ADGRF3: variants seen among roughly 807,000 people sequenced by gnomAD.
ADGRF3 encodes adhesion G protein-coupled receptor F3.
ADGRF3 carries 85 observed loss-of-function variants against 93.2 expected under a neutral mutation model. The observed-to-expected ratio is 0.91, with a 90% CI of 0.77 to 1.09. The LOEUF (loss-of-function observed/expected upper bound fraction) is 1.09. Ranked by LOEUF, ADGRF3 falls within the 50% of genes least tolerant of loss-of-function variation. The pLI is 0.00. For synonymous variants in ADGRF3, 534 were observed against 532.5 expected (o/e 1.00, Z -0.04); for missense variants, 1,125 against 1,246.2 (o/e 0.90, Z 1.46).
At chr2:26,319,894 T>C (rs1415225036) in intron 1 of ADGRF3, among the ~76,000 whole-genome samples, 1 of 152,110 alleles carries the variant, frequency 6.6e-6, no homozygotes, top group African/African-American at 2.4e-5. Context: ...TGCACTGGCC[T>C]AGAGTCTTAA....
chr2:26,318,705 T>C (rs575757119), intron 1 of ADGRF3, among the ~76,000 whole-genome samples: 2 of 152,320 alleles, frequency 1.3e-5, no homozygotes, highest in African/African-American at 2.4e-5. Flanking sequence ...AATGAGACTT[T>C]ATCCAAAGTA....
chr2:26,342,628 T>C (rs570490893), intron 1 of ADGRF3, among the ~76,000 whole-genome samples: 1 of 152,364 alleles, frequency 6.6e-6, no homozygotes, highest in Non-Finnish European at 1.5e-5. Context: ...GCAAAATGCC[T>C]GATCTTGAGT....
Position 26,346,130 on chromosome 2 carries a change from C to G in ADGRF3, c.105G>C (p.Leu35=), listed in dbSNP as rs534427405. The G allele has an allele frequency of 6.3e-7, 1 of 1,593,314 alleles. No homozygotes were observed. Among genetic ancestry groups the G allele is most frequent in the Admixed American group, 1.8e-5 (1 of 56,560 alleles). Reference sequence around the variant, plus strand: ...AGCGCGGCTCTCCTACCTTCTCGGGCAGCCCAGTCTTTGCCATCCTTGCCC... The same window carrying G: ...AGCGCGGCTCTCCTACCTTCTCGGGGAGCCCAGTCTTTGCCATCCTTGCCC... The part of the protein sequence containing the change: ...TGWARMAKTG[L]PEKGQSQAGG... The change falls in exon 1 of 14, where the codon CTG becomes CTC. Residue 35 remains leucine (L), a synonymous_variant. Coordinates refer to ENST00000651242, the MANE Select transcript of ADGRF3 (RefSeq NM_001321971.2).
chr2:26,342,689 G>A (rs868507457), intron 1 of ADGRF3, among the ~76,000 whole-genome samples: 1 of 152,216 alleles, frequency 6.6e-6, no homozygotes, highest in African/African-American at 2.4e-5. Context: ...GCAGACATGG[G>A]AAACAAAGCA....
In ADGRF3 at chr2:26,311,359, C is replaced by G; in HGVS notation, c.2165G>C (p.Gly722Ala). 1.9e-6 allele frequency: 3 copies of G among 1,614,064 alleles called. No homozygotes were observed. The highest frequency in any genetic ancestry group is 2.5e-6 in the Non-Finnish European group (3 of 1,179,908). Residue 722 changes from glycine (G) to alanine (A), a missense_variant, in exon 10 of 14, where the codon GGT becomes GCT. Physicochemically the swap from Gly to Ala is moderately conservative, Grantham distance 60. Coordinates refer to ENST00000651242, the MANE Select transcript of ADGRF3 (RefSeq NM_001321971.2). ...ASILALLVCL[G>A]VYWLVWRVVV... is the part of the protein sequence containing the mutation. ...GACTCTCCACACCAGCCAGTACACA[C>G]CCAGGCACACAAGCAGCGCCAGTAT...
intron 4 of ADGRF3, 68 bp downstream of exon 4, chr2:26,316,207 G>A: frequency 6.8e-7 from 1 of 1,471,878 alleles, no homozygotes; most frequent in South Asian, 1.4e-5. Context: ...GGTTCAGAGA[G>A]GAGAAAACCA....
rs373123417 is a variant in ADGRF3 at position 26,336,398 on chromosome 2, G to A, written c.114+9723C>T. On this transcript the variant is annotated intron_variant, in intron 1 of 13. Coordinates refer to ENST00000651242, the MANE Select transcript of ADGRF3 (RefSeq NM_001321971.2). ...TGTGTGTCTGTTGGAAGGAAGGGTC[G>A]GAGAGAATGACGACAAGAGTAATTA... Among the ~76,000 whole-genome samples, 391 of 151,160 alleles carry A rather than the reference G, an allele frequency of 2.6e-3. 2 individuals are homozygous for A. The highest frequency in any genetic ancestry group is 0.01 in the Middle Eastern group (3 of 294).
intron 5 of ADGRF3, 30 bp downstream of exon 5, chr2:26,315,492 A>C: frequency 6.5e-7 from 1 of 1,536,944 alleles, no homozygotes; most frequent in Non-Finnish European, 8.8e-7. Context: ...AGGAAGGAGA[A>C]AGGAGGCAAG....
intron 1 of ADGRF3, among the ~76,000 whole-genome samples, chr2:26,332,750 T>C (rs1025912375): frequency 1.3e-5 from 2 of 150,274 alleles, no homozygotes; most frequent in Non-Finnish European, 3.0e-5. Flanking sequence ...AAAAAATATA[T>C]ATACAAAGTT....
intron 1 of ADGRF3, among the ~76,000 whole-genome samples, chr2:26,321,564 G>C (rs1675151099): frequency 6.6e-6 from 1 of 152,120 alleles, no homozygotes; most frequent in Admixed American, 6.5e-5. Flanking sequence ...GCCGAGGGGA[G>C]ACTGAGCCAT....
Position 26,313,478 on chromosome 2 carries a change from T to A in ADGRF3, c.1168A>T (p.Arg390Trp), listed in dbSNP as rs760712931. The part of the protein sequence containing the change: ...VAQAPCPESK[R>W]GIVRRLCGAD... ...CCACAGAGCCTCCTCACTATGCCCC[T>A]CTTGCTCTCAGGACATGGGGCCTGT... The change falls in exon 8 of 14, where the codon AGG becomes TGG. Residue 390 changes from arginine to tryptophan, a missense_variant. Coordinates refer to ENST00000651242, the MANE Select transcript of ADGRF3 (RefSeq NM_001321971.2). The A allele has an allele frequency of 1.9e-6, 3 of 1,611,694 alleles. No individual in the cohort carries two copies. In the South Asian group the frequency reaches 3.3e-5, roughly 18 times the overall value.
At chr2:26,309,905 G>T in intron 12 of ADGRF3, 138 bp downstream of exon 12, 1 of 1,572,754 alleles carries the variant, frequency 6.4e-7, no homozygotes, top group South Asian at 1.2e-5. Context: ...AGCTGGAACC[G>T]GAAAACTGTT....
intron 1 of ADGRF3, among the ~76,000 whole-genome samples, chr2:26,320,436 C>T (rs1297420353): frequency 1.3e-5 from 2 of 152,126 alleles, no homozygotes; most frequent in Non-Finnish European, 2.9e-5. Flanking sequence ...GCGGAGGTTG[C>T]AGTGAGCTGA....
At chr2:26,322,258 G>T (rs1282297811) in intron 1 of ADGRF3, among the ~76,000 whole-genome samples, 4 of 148,322 alleles carry the variant, frequency 2.7e-5, no homozygotes, top group Non-Finnish European at 4.4e-5. Context: ...ACTCCAGCCT[G>T]GGCGACAGAG....
chr2:26,325,796 A>G (rs929055886), intron 1 of ADGRF3, among the ~76,000 whole-genome samples: 5 of 152,212 alleles, frequency 3.3e-5, no homozygotes, highest in African/African-American at 1.2e-4. Context: ...AAACTTAAGT[A>G]TCTGTTAGGT....
In ADGRF3 at chr2:26,309,601, C is replaced by T. The variant is rs762449802; in HGVS notation, c.2938-20G>A. Reference sequence around the variant, plus strand: ...TGTGGCCTAGGAAGGGGTGGGAAGGCCCAATTGCAGGGCAGTTATTAGTAT... The same window carrying T: ...TGTGGCCTAGGAAGGGGTGGGAAGGTCCAATTGCAGGGCAGTTATTAGTAT... On this transcript the variant is annotated intron_variant, in intron 12 of 13. Coordinates refer to ENST00000651242, the MANE Select transcript of ADGRF3 (RefSeq NM_001321971.2). The T allele has an allele frequency of 2.5e-6, 4 of 1,610,640 alleles. No homozygotes were observed. The Admixed American group carries it at 6.7e-5, about 27-fold the overall frequency.
intron 4 of ADGRF3, 146 bp from the exon 5 acceptor site, chr2:26,315,886 T>A: frequency 8.1e-7 from 1 of 1,232,068 alleles, no homozygotes; most frequent in Non-Finnish European, 1.1e-6. Flanking sequence ...TGTCCCTGGG[T>A]GGGCACCTGA....
In ADGRF3 at chr2:26,316,342, G is replaced by T. The variant is rs1464692691; in HGVS notation, c.432C>A (p.Asn144Lys). Residue 144 changes from asparagine (N) to lysine (K), a missense_variant, in exon 4 of 14, where the codon AAC becomes AAA. Physicochemically the swap from Asn to Lys is moderately conservative, Grantham distance 94. Coordinates refer to ENST00000651242, the MANE Select transcript of ADGRF3 (RefSeq NM_001321971.2). Reference protein sequence around the residue: ...LHYPPCQSLHNHQPCGCLVFS... With the variant: ...LHYPPCQSLHKHQPCGCLVFS... ...AGACAAGGCAGCCACAAGGCTGGTG[G>T]TTGTGGAGGCTTTGACAAGGAGGGT... 1 of 1,551,852 alleles carries T rather than the reference G, an allele frequency of 6.4e-7. No individual in the cohort carries two copies. Among genetic ancestry groups the T allele is most frequent in the Non-Finnish European group, 8.7e-7 (1 of 1,147,040 alleles).
intron 1 of ADGRF3, among the ~76,000 whole-genome samples, chr2:26,330,722 A>G (rs1020519401): frequency 6.6e-6 from 1 of 152,064 alleles, no homozygotes; most frequent in African/African-American, 2.4e-5. Flanking sequence ...AGCCAGACCT[A>G]GGGGGTTTCT....
Sources: allele counts gnomAD v4.1 joint callset (sites outside exome capture counted in the v4.1 genomes callset), GRCh38; gene constraint gnomAD v4.1.1; transcripts MANE v1.5; gene names NCBI Gene and HGNC (gene_info 2026-07-23, HGNC 2026-07-21).